CNTNAP2: variants seen among roughly 807,000 people sequenced by gnomAD.
CNTNAP2 encodes contactin associated protein 2, also known as contactin-associated protein-like 2.
Under a neutral mutation model 155.2 loss-of-function variants are expected in CNTNAP2, and 98 were observed. That is an observed-to-expected ratio of 0.63 (90% CI 0.54 to 0.75). The LOEUF (loss-of-function observed/expected upper bound fraction) is 0.75, where lower values mean the gene tolerates loss of function less well. Among genes scored for constraint, CNTNAP2 ranks in the 30% least tolerant of loss-of-function variants. The pLI is 0.00. For synonymous variants in CNTNAP2, 651 were observed against 631.2 expected, an observed-to-expected ratio of 1.03 and a Z score of -0.47; for missense variants, 1,727 against 1,688.1, an observed-to-expected ratio of 1.02 and a Z score of -0.40.
chr7:148,037,525 A>T (rs1387654017), intron 15 of CNTNAP2, among the ~76,000 whole-genome samples: 1 of 152,222 alleles, frequency 6.6e-6, no homozygotes, highest in Non-Finnish European at 1.5e-5. Flanking sequence ...AAGTCTAGCT[A>T]CTAGTGTTCC....
intron 13 of CNTNAP2, among the ~76,000 whole-genome samples, chr7:147,830,144 A>G (rs1584978467): frequency 6.8e-6 from 1 of 146,172 alleles, no homozygotes; most frequent in Non-Finnish European, 1.5e-5. Context: ...GTACTGTCTC[A>G]GTCCATTCGG....
chr7:147,751,308 CAA>C (rs200905341), intron 13 of CNTNAP2, among the ~76,000 whole-genome samples: 1,656 of 149,414 alleles, frequency 0.011, 94 homozygotes, highest in Admixed American at 0.089. Flanking sequence ...AACCAAATCT[CAA>C]AATACTAGCC....
intron 1 of CNTNAP2, among the ~76,000 whole-genome samples, chr7:146,671,510 C>T (rs1289558977): frequency 6.6e-6 from 1 of 151,370 alleles, no homozygotes; most frequent in Non-Finnish European, 1.5e-5. Flanking sequence ...AAGCCTAAAC[C>T]ATAATTGGGG....
intron 11 of CNTNAP2, among the ~76,000 whole-genome samples, chr7:147,512,286 G>C (rs2116691558): frequency 6.6e-6 from 1 of 152,250 alleles, no homozygotes; most frequent in South Asian, 2.1e-4. Context: ...CAGTTTTTTG[G>C]AACCAGGGAG....
intron 8 of CNTNAP2, among the ~76,000 whole-genome samples, chr7:147,179,980 T>C (rs755597255): frequency 9.2e-5 from 14 of 152,090 alleles, no homozygotes; most frequent in Non-Finnish European, 2.1e-4. Flanking sequence ...GAGGATGCGG[T>C]TGTTTGAGGG....
At chr7:146,970,729 G>A (rs373351037) in intron 3 of CNTNAP2, among the ~76,000 whole-genome samples, 1 of 152,106 alleles carries the variant, frequency 6.6e-6, no homozygotes, top group Non-Finnish European at 1.5e-5. Context: ...CCAAAGGACT[G>A]TAAATCATGC....
intron 15 of CNTNAP2, among the ~76,000 whole-genome samples, chr7:148,040,747 C>T (rs758442728): frequency 7.2e-5 from 11 of 152,200 alleles, no homozygotes; most frequent in Non-Finnish European, 1.2e-4. Context: ...AAACAAGAAA[C>T]TATTCCTGAC....
chr7:147,628,869 A>T (rs1399750525), intron 12 of CNTNAP2, among the ~76,000 whole-genome samples: 1 of 47,018 alleles, frequency 2.1e-5, no homozygotes, highest in Non-Finnish European at 3.7e-5. Flanking sequence ...AACAGCAGTT[A>T]AAAAAAAAAA....
intron 14 of CNTNAP2, among the ~76,000 whole-genome samples, chr7:147,945,753 T>C (rs1445497949): frequency 2.0e-5 from 3 of 151,262 alleles, no homozygotes; most frequent in Non-Finnish European, 4.4e-5. Flanking sequence ...TAAAATAAAA[T>C]AAAATAAAAT....
chr7:148,383,151 A>G (rs1029067904), intron 21 of CNTNAP2, among the ~76,000 whole-genome samples: 2 of 151,666 alleles, frequency 1.3e-5, no homozygotes, highest in Non-Finnish European at 2.9e-5. Flanking sequence ...TTTTGAAGAA[A>G]GGAGATGTTC....
At chr7:146,890,464 T>C (rs1247926216) in intron 3 of CNTNAP2, among the ~76,000 whole-genome samples, 1 of 152,180 alleles carries the variant, frequency 6.6e-6, no homozygotes, top group Non-Finnish European at 1.5e-5. Flanking sequence ...TTTTTAAAAT[T>C]TTCCTGTCAG....
At chr7:147,387,691 C>G (rs1796646018) in intron 9 of CNTNAP2, among the ~76,000 whole-genome samples, 1 of 152,020 alleles carries the variant, frequency 6.6e-6, no homozygotes, top group Non-Finnish European at 1.5e-5. Context: ...AAACATTTAT[C>G]CTGTGAGTTA....
At chr7:147,443,384 A>G (rs1373691962) in intron 10 of CNTNAP2, among the ~76,000 whole-genome samples, 1 of 152,164 alleles carries the variant, frequency 6.6e-6, no homozygotes, top group Non-Finnish European at 1.5e-5. Context: ...CCATGCTGCC[A>G]CTGCCTGCAG....
At chr7:146,865,062 A>T (rs1402560636) in intron 3 of CNTNAP2, among the ~76,000 whole-genome samples, 3 of 151,554 alleles carry the variant, frequency 2.0e-5, no homozygotes, top group African/African-American at 7.3e-5. Flanking sequence ...AAAAAATTCT[A>T]TATGCTAGCA....
chr7:146,907,621 A>G (rs368027424), intron 3 of CNTNAP2, among the ~76,000 whole-genome samples: 15 of 150,698 alleles, frequency 1.0e-4, no homozygotes, highest in East Asian at 1.9e-4. Context: ...GTCACCACCA[A>G]GCCTGCCCTA....
intron 3 of CNTNAP2, among the ~76,000 whole-genome samples, chr7:146,872,277 AAAAC>A (rs1340972898): frequency 1.3e-5 from 2 of 151,964 alleles, no homozygotes; most frequent in African/African-American, 4.8e-5. Flanking sequence ...CACCCCCCAA[AAAAC>A]AAACTTAATA....
chr7:147,210,026 G>A (rs1662383811), intron 8 of CNTNAP2, among the ~76,000 whole-genome samples: 1 of 151,942 alleles, frequency 6.6e-6, no homozygotes, highest in Admixed American at 6.6e-5. Context: ...TTGCATCTTT[G>A]TTCATCAGGG....
chr7:148,006,309 G>C (rs958563495), intron 15 of CNTNAP2, among the ~76,000 whole-genome samples: 1 of 144,388 alleles, frequency 6.9e-6, no homozygotes, highest in East Asian at 2.2e-4. Flanking sequence ...AAGCTTTATA[G>C]GAAGTTCTTT....
chr7:147,544,879 G>T (rs1335134909), intron 11 of CNTNAP2, among the ~76,000 whole-genome samples: 1 of 151,966 alleles, frequency 6.6e-6, no homozygotes, highest in African/African-American at 2.4e-5. Context: ...ATGTCTCTTT[G>T]CTCTTCCTTT....
Sources: allele counts gnomAD v4.1 joint callset (sites outside exome capture counted in the v4.1 genomes callset), GRCh38; gene constraint gnomAD v4.1.1; transcripts MANE v1.5; gene names NCBI Gene and HGNC (gene_info 2026-07-23, HGNC 2026-07-21).